The following PTPRG variants were observed in gnomAD, a reference collection of about 807,000 sequenced individuals.
The protein encoded by PTPRG is protein tyrosine phosphatase receptor type G.
In PTPRG, 102 loss-of-function variants were observed where a neutral mutation model predicts 165.3. That is an observed-to-expected ratio of 0.62 (90% CI 0.53 to 0.73). The LOEUF is 0.73. PTPRG is among the 30% of genes least tolerant of loss of function. The pLI, the probability that PTPRG is intolerant of heterozygous loss-of-function variation, is 0.00. For synonymous variants in PTPRG, 675 were observed against 669.5 expected (o/e 1.01, Z -0.13); for missense variants, 1,866 against 1,861.4 (o/e 1.00, Z -0.05).
chr3:62,042,674 T>G (rs1358812430), intron 4 of PTPRG, among the ~76,000 whole-genome samples: 1 of 152,192 alleles, frequency 6.6e-6, no homozygotes, highest in African/African-American at 2.4e-5. Flanking sequence ...CTCTACTAGG[T>G]GTTCCTGTGG....
intron 2 of PTPRG, among the ~76,000 whole-genome samples, chr3:61,836,716 G>T (rs1250592406): frequency 3.4e-5 from 5 of 147,586 alleles, no homozygotes; most frequent in Non-Finnish European, 7.4e-5. Flanking sequence ...TTTGAAACCA[G>T]TTTTTTTGTT....
At chr3:62,220,793 T>TCTCTTGG (rs1700634513) in intron 13 of PTPRG, among the ~76,000 whole-genome samples, 1 of 152,190 alleles carries the variant, frequency 6.6e-6, no homozygotes, top group South Asian at 2.1e-4. Flanking sequence ...AGCATGCCTA[T>TCTCTTGG]CTCTTGGCTC....
chr3:62,095,810 A>G (rs1305724404), intron 5 of PTPRG, among the ~76,000 whole-genome samples: 1 of 152,162 alleles, frequency 6.6e-6, no homozygotes. Context: ...GAAGTTAACT[A>G]GAGTGGAAAT....
At chr3:61,894,335 G>A (rs1436236215) in intron 2 of PTPRG, among the ~76,000 whole-genome samples, 5 of 85,324 alleles carry the variant, frequency 5.9e-5, no homozygotes, top group African/African-American at 1.6e-4. Flanking sequence ...AAAAAAAAAA[G>A]GTCAGCTTTT....
intron 1 of PTPRG, among the ~76,000 whole-genome samples, chr3:61,586,371 A>G (rs190521248): frequency 6.6e-6 from 1 of 152,320 alleles, no homozygotes; most frequent in Admixed American, 6.5e-5. Context: ...TTTTCATGTA[A>G]AAGTTTGGGA....
Position 61,622,514 on chromosome 3 carries a change from G to A in PTPRG, c.85+60142G>A, listed in dbSNP as rs559225839. Among the ~76,000 whole-genome samples the A allele has an allele frequency of 4.9e-4, 74 of 152,202 alleles. 5 individuals carry two copies. In the South Asian group the frequency reaches 0.015, roughly 32 times the overall value. On this transcript the variant is annotated intron_variant, in intron 1 of 29. Transcript: ENST00000474889. ...ACCTGCCACCCATTTTGATTTGAAA[G>A]ATTATGTTGTCGGAATTTCAGACAC...
At chr3:61,634,426 G>A (rs1211506384) in intron 1 of PTPRG, among the ~76,000 whole-genome samples, 1 of 152,034 alleles carries the variant, frequency 6.6e-6, no homozygotes, top group Non-Finnish European at 1.5e-5. Context: ...TTTTAGTAGA[G>A]ACGGGGTTTC....
chr3:61,828,963 G>A (rs978979861), intron 2 of PTPRG, among the ~76,000 whole-genome samples: 3 of 151,746 alleles, frequency 2.0e-5, no homozygotes, highest in African/African-American at 7.3e-5. Flanking sequence ...TAGAACAGAT[G>A]ATTTCTCCAA....
chr3:62,013,930 G>T (rs2041483871), intron 4 of PTPRG, among the ~76,000 whole-genome samples: 1 of 152,100 alleles, frequency 6.6e-6, no homozygotes, highest in African/African-American at 2.4e-5. Context: ...AGACCTTTGT[G>T]CACTGAAGGT....
intron 5 of PTPRG, among the ~76,000 whole-genome samples, chr3:62,116,424 C>T (rs1193377975): frequency 6.6e-6 from 1 of 152,100 alleles, no homozygotes; most frequent in Non-Finnish European, 1.5e-5. Context: ...AAATAATTTA[C>T]CATAAACACA....
intron 1 of PTPRG, among the ~76,000 whole-genome samples, chr3:61,669,516 C>G (rs560508575): frequency 1.1e-3 from 173 of 152,316 alleles, no homozygotes; most frequent in African/African-American, 3.9e-3. Context: ...CTAGACTTTA[C>G]TGTCTCTGTT....
intron 2 of PTPRG, among the ~76,000 whole-genome samples, chr3:61,845,871 T>C (rs2107347605): frequency 6.6e-6 from 1 of 152,262 alleles, no homozygotes; most frequent in African/African-American, 2.4e-5. Flanking sequence ...CTTTTGTGTT[T>C]TTAAAGTATT....
intron 2 of PTPRG, among the ~76,000 whole-genome samples, chr3:61,965,030 G>A: frequency 6.6e-6 from 1 of 152,044 alleles, no homozygotes; most frequent in East Asian, 1.9e-4. Context: ...ATCACCTGAG[G>A]TCAGGAGTCC....
intron 6 of PTPRG, among the ~76,000 whole-genome samples, chr3:62,145,424 T>C (rs1171898680): frequency 3.3e-5 from 5 of 152,184 alleles, no homozygotes; most frequent in South Asian, 4.1e-4. Context: ...AACCACGTGA[T>C]GACAGGAAAT....
intron 1 of PTPRG, among the ~76,000 whole-genome samples, chr3:61,658,379 A>C (rs958992473): frequency 6.6e-6 from 1 of 152,192 alleles, no homozygotes; most frequent in African/African-American, 2.4e-5. Flanking sequence ...GGCAACGTGG[A>C]GTCACAGTGG....
intron 5 of PTPRG, among the ~76,000 whole-genome samples, chr3:62,111,492 C>G (rs1425548448): frequency 1.3e-5 from 2 of 152,208 alleles, no homozygotes; most frequent in Admixed American, 6.5e-5. Context: ...CTCTGTCACC[C>G]AGGCTGGAGT....
At chr3:62,286,852 A>T (rs1224052754) in intron 28 of PTPRG, among the ~76,000 whole-genome samples, 1 of 152,134 alleles carries the variant, frequency 6.6e-6, no homozygotes, top group Non-Finnish European at 1.5e-5. Flanking sequence ...CTCGATGAGC[A>T]TTCTTTAATC....
chr3:62,012,472 A>T (rs762058775), intron 4 of PTPRG, among the ~76,000 whole-genome samples: 1 of 152,006 alleles, frequency 6.6e-6, no homozygotes, highest in Non-Finnish European at 1.5e-5. Flanking sequence ...TAATTTTTAA[A>T]TTTTTTTTAT....
chr3:61,686,827 G>A (rs1041735535), intron 1 of PTPRG, among the ~76,000 whole-genome samples: 2 of 152,088 alleles, frequency 1.3e-5, no homozygotes, highest in African/African-American at 2.4e-5. Flanking sequence ...GGCGTACAAC[G>A]GTATTTAGTT....
Sources: gnomAD v4.1 joint callset for allele counts (sites outside exome capture counted in the v4.1 genomes callset) on GRCh38, gnomAD v4.1.1 for gene constraint, MANE v1.5 for transcripts, NCBI Gene and HGNC (gene_info 2026-07-23, HGNC 2026-07-21) for gene names.